The following CMTM8 variants were observed in gnomAD, a reference collection of about 807,000 sequenced individuals.
CMTM8 encodes the protein CKLF like MARVEL transmembrane domain containing 8, also known as CKLF-like MARVEL transmembrane domain-containing protein 8.
CMTM8 carries 12 observed loss-of-function variants against 18.6 expected under a neutral mutation model. The ratio of observed to expected loss-of-function variants is 0.65; its 90% CI spans 0.41 to 1.05. The LOEUF is 1.05. Among genes scored for constraint, CMTM8 ranks in the 50% least tolerant of loss-of-function variants. The pLI, the probability that CMTM8 is intolerant of heterozygous loss-of-function variation, is 0.00. For synonymous variants in CMTM8, 87 were observed against 90.6 expected (o/e 0.96, Z 0.23); for missense variants, 217 against 227.2 (o/e 0.95, Z 0.29).
In CMTM8 at chr3:32,369,881, C is replaced by T. The variant is rs766528381; in HGVS notation, c.439-3C>T. 3 of 1,602,984 alleles carry T rather than the reference C, an allele frequency of 1.9e-6. No individual in the cohort carries two copies. The highest frequency in any genetic ancestry group is 2.7e-5 in the African/African-American group (2 of 74,658). On this transcript the variant is annotated splice_polypyrimidine_tract_variant and splice_region_variant and intron_variant, in intron 3 of 3. Transcript: ENST00000307526. ...CACTTCTATTATGCTTTGTTTTCTCCAGTTCTTTGCCTTCCTGGTCACCAT... is the reference window on the plus strand; with the variant it reads ...CACTTCTATTATGCTTTGTTTTCTCTAGTTCTTTGCCTTCCTGGTCACCAT...
intron 1 of CMTM8, among the ~76,000 whole-genome samples, chr3:32,315,206 C>T (rs1200797696): frequency 1.3e-5 from 2 of 151,648 alleles, no homozygotes; most frequent in Non-Finnish European, 2.9e-5. Context: ...CTCAGCTCAC[C>T]GCAACCTCTG....
intron 1 of CMTM8, among the ~76,000 whole-genome samples, chr3:32,260,384 T>G (rs1042082899): frequency 2.0e-5 from 3 of 152,260 alleles, no homozygotes; most frequent in Non-Finnish European, 4.4e-5. Flanking sequence ...TTAAAATATT[T>G]AACTTTAATA....
At chr3:32,361,286 G>GTTTTTTTTTTGTTTTTGTTTTT (rs58364646) in intron 2 of CMTM8, among the ~76,000 whole-genome samples, 6 of 87,266 alleles carry the variant, frequency 6.9e-5, no homozygotes, top group African/African-American at 2.4e-4. Flanking sequence ...CAGCCTAAGA[G>GTTTTTTTTTTGTTTTTGTTTTT]TTTTTTTTTC....
chr3:32,306,081 C>G (rs1695709550), intron 1 of CMTM8, among the ~76,000 whole-genome samples: 1 of 152,142 alleles, frequency 6.6e-6, no homozygotes, highest in South Asian at 2.1e-4. Context: ...AATGGTCACT[C>G]CTTTTTCGTG....
chr3:32,368,171 G>A (rs1697079806), intron 3 of CMTM8, among the ~76,000 whole-genome samples, 183 bp downstream of exon 3: 1 of 152,244 alleles, frequency 6.6e-6, no homozygotes, highest in Non-Finnish European at 1.5e-5. Flanking sequence ...CTGGCCCGAA[G>A]TGGGAAAAGG....
intron 1 of CMTM8, among the ~76,000 whole-genome samples, chr3:32,245,491 A>G (rs532182157): frequency 2.3e-4 from 35 of 152,248 alleles, no homozygotes; most frequent in Non-Finnish European, 4.4e-4. Flanking sequence ...TGTGAATTGT[A>G]GGATGCTGTG....
chr3:32,340,119 C>G (rs1696464917), intron 1 of CMTM8, among the ~76,000 whole-genome samples: 1 of 152,202 alleles, frequency 6.6e-6, no homozygotes, highest in South Asian at 2.1e-4. Context: ...CAGGCAACGT[C>G]TGGTACTAAT....
At chr3:32,309,834 G>A (rs953776907) in intron 1 of CMTM8, among the ~76,000 whole-genome samples, 2 of 152,186 alleles carry the variant, frequency 1.3e-5, no homozygotes, top group Non-Finnish European at 2.9e-5. Context: ...CACAGTAGGG[G>A]ATGGGAGCTT....
chr3:32,268,638 C>T (rs4380449), intron 1 of CMTM8, among the ~76,000 whole-genome samples: 114,610 of 151,702 alleles, frequency 0.76, 44,537 homozygotes, highest in South Asian at 0.87. Context: ...TTGAACATGA[C>T]GAGTTCATTT....
intron 1 of CMTM8, among the ~76,000 whole-genome samples, chr3:32,290,196 A>G (rs74281414): frequency 0.09 from 13,666 of 152,290 alleles, 1,091 homozygotes; most frequent in East Asian, 0.46. Context: ...GAATTTACAA[A>G]ATAGTGTTCA....
intron 1 of CMTM8, among the ~76,000 whole-genome samples, chr3:32,266,094 A>AC (rs1368793297): frequency 6.6e-6 from 1 of 152,186 alleles, no homozygotes; most frequent in African/African-American, 2.4e-5. Flanking sequence ...ATCCTCCCTA[A>AC]CTCATTTTAT....
intron 1 of CMTM8, among the ~76,000 whole-genome samples, chr3:32,309,632 G>A (rs576638952): frequency 3.1e-4 from 47 of 152,080 alleles, no homozygotes; most frequent in African/African-American, 4.3e-4. Flanking sequence ...TTATGCCCCC[G>A]TGCTGGACTC....
intron 1 of CMTM8, among the ~76,000 whole-genome samples, chr3:32,321,943 G>A (rs1043438462): frequency 6.6e-5 from 10 of 152,186 alleles, no homozygotes; most frequent in Non-Finnish European, 1.2e-4. Context: ...ATGCCCATTT[G>A]TTTATATGTT....
At chr3:32,300,719 G>A (rs771388521) in intron 1 of CMTM8, among the ~76,000 whole-genome samples, 7 of 152,140 alleles carry the variant, frequency 4.6e-5, no homozygotes, top group Non-Finnish European at 8.8e-5. Context: ...AGCACTTTGG[G>A]AGGCTGAGGT....
chr3:32,345,791 A>G (rs2125591889), intron 1 of CMTM8, among the ~76,000 whole-genome samples: 1 of 152,376 alleles, frequency 6.6e-6, no homozygotes, highest in African/African-American at 2.4e-5. Context: ...TAATTCAGGA[A>G]AAAGAAACAG....
intron 1 of CMTM8, among the ~76,000 whole-genome samples, chr3:32,322,116 G>T (rs575809004): frequency 2.3e-4 from 35 of 152,274 alleles, no homozygotes; most frequent in African/African-American, 7.7e-4. Flanking sequence ...GGACTTTATT[G>T]GTGGTACTTG....
At chr3:32,326,462 A>G (rs1374875526) in intron 1 of CMTM8, among the ~76,000 whole-genome samples, 1 of 149,896 alleles carries the variant, frequency 6.7e-6, no homozygotes, top group African/African-American at 2.5e-5. Context: ...TCCCAGCCTC[A>G]TCCCGGCCTG....
chr3:32,269,620 C>T (rs1702405319), intron 1 of CMTM8, among the ~76,000 whole-genome samples: 1 of 152,036 alleles, frequency 6.6e-6, no homozygotes, highest in Non-Finnish European at 1.5e-5. Flanking sequence ...TTCCAATCTC[C>T]CAAGGTATGA....
intron 1 of CMTM8, among the ~76,000 whole-genome samples, chr3:32,253,578 C>T (rs1702141399): frequency 1.3e-5 from 2 of 152,132 alleles, no homozygotes; most frequent in Non-Finnish European, 2.9e-5. Context: ...GTCTCAAACT[C>T]CTGACCTCAG....
Sources: gnomAD v4.1 joint callset for allele counts (sites outside exome capture counted in the v4.1 genomes callset) on GRCh38, gnomAD v4.1.1 for gene constraint, MANE v1.5 for transcripts, NCBI Gene and HGNC (gene_info 2026-07-23, HGNC 2026-07-21) for gene names.